The following CSMD1 variants were observed in gnomAD, a reference collection of about 807,000 sequenced individuals.
The protein encoded by CSMD1 is CUB and sushi domain-containing protein 1.
Under a neutral mutation model 417.5 loss-of-function variants are expected in CSMD1, and 213 were observed. The ratio of observed to expected loss-of-function variants is 0.51; its 90% confidence interval spans 0.46 to 0.57. The LOEUF is 0.57. Ranked by LOEUF, CSMD1 falls within the 20% of genes least tolerant of loss-of-function variation. CSMD1 has a pLI of 0.00. For missense variants in CSMD1, 6,923 were observed against 4,529.7 expected (o/e 1.53, Z -15.17); for synonymous variants, 2,862 against 1,736.8 (o/e 1.65, Z -16.11).
intron 3 of CSMD1, among the ~76,000 whole-genome samples, chr8:4,151,048 G>C (rs1050597981): frequency 1.3e-5 from 2 of 152,108 alleles, no homozygotes; most frequent in African/African-American, 4.8e-5. Flanking sequence ...TAAAACGGTT[G>C]AGGAGCCTAC....
At chr8:3,164,353 G>A (rs962339678) in intron 37 of CSMD1, among the ~76,000 whole-genome samples, 1 of 152,122 alleles carries the variant, frequency 6.6e-6, no homozygotes, top group South Asian at 2.1e-4. Context: ...AGTACCATAA[G>A]CATTAAGCAG....
At chr8:4,761,928 T>A (rs543553019) in intron 1 of CSMD1, among the ~76,000 whole-genome samples, 16 of 146,784 alleles carry the variant, frequency 1.1e-4, no homozygotes, top group African/African-American at 3.1e-4. Context: ...TCTATCTATC[T>A]ATCTATCTAT....
At chr8:3,856,060 G>C (rs1430272573) in intron 5 of CSMD1, among the ~76,000 whole-genome samples, 1 of 151,934 alleles carries the variant, frequency 6.6e-6, no homozygotes, top group Non-Finnish European at 1.5e-5. Context: ...TCATACTGTG[G>C]AATGGTTTGG....
At chr8:4,686,648 C>G (rs966934083) in intron 1 of CSMD1, among the ~76,000 whole-genome samples, 1 of 152,228 alleles carries the variant, frequency 6.6e-6, no homozygotes, top group Admixed American at 6.5e-5. Context: ...GTGAAATATA[C>G]AAGTTGACCT....
At chr8:3,247,203 G>A (rs1799937528) in intron 26 of CSMD1, among the ~76,000 whole-genome samples, 2 of 152,160 alleles carry the variant, frequency 1.3e-5, no homozygotes, top group Non-Finnish European at 2.9e-5. Flanking sequence ...GATTTGATAT[G>A]TAAAAGTCCT....
chr8:4,670,178 A>T (rs1805205893), intron 1 of CSMD1, among the ~76,000 whole-genome samples: 1 of 152,168 alleles, frequency 6.6e-6, no homozygotes, highest in South Asian at 2.1e-4. Flanking sequence ...ATTTTTGCAA[A>T]CTAAAGTCCC....
intron 1 of CSMD1, among the ~76,000 whole-genome samples, chr8:4,756,726 T>C (rs1374660703): frequency 2.6e-5 from 4 of 152,188 alleles, no homozygotes; most frequent in African/African-American, 9.6e-5. Flanking sequence ...CTTTTGGAGT[T>C]ACAGGAAACA....
intron 1 of CSMD1, among the ~76,000 whole-genome samples, chr8:4,778,294 TA>T (rs1796973530): frequency 6.6e-6 from 1 of 152,152 alleles, no homozygotes; most frequent in South Asian, 2.1e-4. Flanking sequence ...ATTTTGCAAA[TA>T]AAAAGGTCAG....
At position 3,969,255 on chromosome 8, in the gene CSMD1, A is replaced by T. The variant is rs1298758761; in HGVS notation, c.818+28648T>A. ...ACAGAGTGAGACTCTGTCTCGATAA[A>T]TAAAGATAAAAAGAGTGGCTGTAGC... is the stretch of plus-strand genomic sequence containing the variant. On this transcript the variant is annotated intron_variant, in intron 5 of 69. Coordinates refer to ENST00000635120, the MANE Select transcript of CSMD1 (RefSeq NM_033225.6). 2.0e-5 allele frequency among the ~76,000 whole-genome samples: 3 copies of T among 152,180 alleles called. No individual in the cohort carries two copies. The East Asian group carries it at 5.8e-4, about 29-fold the overall frequency.
intron 5 of CSMD1, among the ~76,000 whole-genome samples, chr8:3,757,201 G>A (rs1797707900): frequency 1.3e-5 from 2 of 152,086 alleles, no homozygotes; most frequent in South Asian, 4.2e-4. Flanking sequence ...ACCCTCATCT[G>A]TATTTCCAAA....
intron 2 of CSMD1, among the ~76,000 whole-genome samples, chr8:4,633,131 G>C (rs955545635): frequency 2.6e-5 from 4 of 152,164 alleles, no homozygotes; most frequent in Non-Finnish European, 5.9e-5. Context: ...TCGTGCATTG[G>C]TCTATGTGAA....
intron 5 of CSMD1, among the ~76,000 whole-genome samples, chr8:3,762,862 G>T (rs540102546): frequency 7.0e-4 from 107 of 152,318 alleles, no homozygotes; most frequent in African/African-American, 2.3e-3. Flanking sequence ...AGACACGGTG[G>T]ACAGTGTGAG....
At chr8:4,945,186 T>G (rs1808286480) in intron 1 of CSMD1, among the ~76,000 whole-genome samples, 1 of 152,154 alleles carries the variant, frequency 6.6e-6, no homozygotes, top group Non-Finnish European at 1.5e-5. Flanking sequence ...ACATGAGGTT[T>G]GTAGAGCAGT....
At chr8:3,968,106 G>T (rs754301346) in intron 5 of CSMD1, among the ~76,000 whole-genome samples, 16 of 151,598 alleles carry the variant, frequency 1.1e-4, no homozygotes, top group Admixed American at 4.6e-4. Flanking sequence ...AGAATGGCGT[G>T]AACCCGGGAG....
intron 3 of CSMD1, among the ~76,000 whole-genome samples, chr8:4,209,859 G>A (rs544516109): frequency 6.6e-6 from 1 of 152,308 alleles, no homozygotes; most frequent in South Asian, 2.1e-4. Flanking sequence ...GGTTAATGCA[G>A]AAATTTCTAG....
At chr8:3,596,051 G>A (rs973497501) in intron 8 of CSMD1, among the ~76,000 whole-genome samples, 7 of 143,308 alleles carry the variant, frequency 4.9e-5, no homozygotes, top group East Asian at 2.2e-4. Context: ...TATTTTCCAC[G>A]TGGGCTTAGG....
At chr8:4,054,240 C>G (rs560849783) in intron 3 of CSMD1, among the ~76,000 whole-genome samples, 4 of 152,192 alleles carry the variant, frequency 2.6e-5, no homozygotes, top group African/African-American at 7.2e-5. Flanking sequence ...TGAACATGGA[C>G]AAATGACGAC....
chr8:3,094,083 G>T (rs1227069688), intron 47 of CSMD1, among the ~76,000 whole-genome samples: 1 of 150,006 alleles, frequency 6.7e-6, no homozygotes, highest in Admixed American at 6.6e-5. Flanking sequence ...GAGTTTTAGG[G>T]TTTTTTTTAT....
chr8:4,753,201 G>C (rs554236337), intron 1 of CSMD1, among the ~76,000 whole-genome samples: 1 of 152,002 alleles, frequency 6.6e-6, no homozygotes, highest in Non-Finnish European at 1.5e-5. Context: ...AGTAAGGCCC[G>C]GGTCCCCATG....
Sources: allele counts gnomAD v4.1 joint callset (sites outside exome capture counted in the v4.1 genomes callset), GRCh38; gene constraint gnomAD v4.1.1; transcripts MANE v1.5; gene names NCBI Gene and HGNC (gene_info 2026-07-23, HGNC 2026-07-21).